The following NRG4 variants were observed in gnomAD, a reference collection of about 807,000 sequenced individuals.
NRG4 encodes the protein neuregulin 4, also known as pro-neuregulin-4, membrane-bound isoform.
In NRG4, 10 loss-of-function variants were observed where a neutral mutation model predicts 15.0. That is an observed-to-expected ratio of 0.67 (90% CI 0.41 to 1.13). The LOEUF (loss-of-function observed/expected upper bound fraction) is 1.13, where lower values mean the gene tolerates loss of function less well. NRG4 is among the 50% of genes most tolerant of loss of function. The pLI is 0.00. For missense variants in NRG4, 139 were observed against 140.2 expected, an observed-to-expected ratio of 0.99 and a Z score of 0.04; for synonymous variants, 41 against 50.1, an observed-to-expected ratio of 0.82 and a Z score of 0.77.
At chr15:75,983,276 T>C (rs1022813783) in intron 3 of NRG4, among the ~76,000 whole-genome samples, 3 of 152,112 alleles carry the variant, frequency 2.0e-5, no homozygotes, top group African/African-American at 4.8e-5. Context: ...TCAGCAGAGA[T>C]ACAGAAACAA....
chr15:76,006,280 A>G (rs1470622133), intron 3 of NRG4, among the ~76,000 whole-genome samples: 1 of 152,240 alleles, frequency 6.6e-6, no homozygotes, highest in Non-Finnish European at 1.5e-5. Context: ...ATGTCATAAT[A>G]GAAACAGGAA....
chr15:76,031,573 C>G (rs936885333), intron 5 of NRG4, among the ~76,000 whole-genome samples: 1 of 152,178 alleles, frequency 6.6e-6, no homozygotes, highest in Admixed American at 6.5e-5. Context: ...TCCTGTAGTC[C>G]CAGCTACTCG....
chr15:75,993,319 T>C (rs2034091461), intron 3 of NRG4, among the ~76,000 whole-genome samples: 1 of 149,684 alleles, frequency 6.7e-6, no homozygotes, highest in African/African-American at 2.5e-5. Context: ...TGTGTTCTCT[T>C]TTCTCCTTCT....
intron 4 of NRG4, among the ~76,000 whole-genome samples, chr15:76,048,152 CAAAAAA>C (rs113391379): frequency 2.0e-4 from 14 of 68,766 alleles, no homozygotes; most frequent in Admixed American, 2.0e-3. Flanking sequence ...AACCCTGTTT[CAAAAAA>C]AAAAAAAAAA....
intron 3 of NRG4, among the ~76,000 whole-genome samples, chr15:75,968,088 C>T (rs865874997): frequency 6.6e-6 from 1 of 152,122 alleles, no homozygotes; most frequent in Non-Finnish European, 1.5e-5. Flanking sequence ...TGTGTGCATT[C>T]GCTAGTCTTT....
At chr15:75,996,241 C>T (rs2034209942) in intron 3 of NRG4, among the ~76,000 whole-genome samples, 1 of 152,126 alleles carries the variant, frequency 6.6e-6, no homozygotes, top group African/African-American at 2.4e-5. Flanking sequence ...CAATGTGTAT[C>T]TGCTGTGAGA....
At chr15:76,017,155 C>CTTTTTTTT (rs66838505), upstream of NRG4, among the ~76,000 whole-genome samples, 22 of 52,320 alleles carry the variant, frequency 4.2e-4, no homozygotes, top group East Asian at 8.9e-4. Flanking sequence ...CAACCCCTGC[C>CTTTTTTTT]TTTTTTTTTT....
intron 3 of NRG4, among the ~76,000 whole-genome samples, chr15:75,972,720 A>G (rs879141232): frequency 6.6e-6 from 1 of 151,976 alleles, no homozygotes; most frequent in Non-Finnish European, 1.5e-5. Context: ...GTTCTGTTCC[A>G]TTGGTCTATA....
intron 3 of NRG4, among the ~76,000 whole-genome samples, chr15:75,987,966 G>A (rs8024155): frequency 0.8 from 121,804 of 152,100 alleles, 49,152 homozygotes; most frequent in South Asian, 0.9. Flanking sequence ...AAGAGCCATG[G>A]CAATACAGAC....
intron 4 of NRG4, among the ~76,000 whole-genome samples, chr15:76,049,958 A>G (rs2035957477): frequency 6.6e-6 from 1 of 151,048 alleles, no homozygotes; most frequent in Admixed American, 6.6e-5. Flanking sequence ...AGAGCCAAGA[A>G]AAACTAAATA....
chr15:75,941,348 C>A lies in NRG4; in HGVS notation c.*2290G>T, dbSNP rs1243993049. The A allele has an allele frequency of 2.6e-5, 4 of 152,138 alleles. No individual in the cohort carries two copies. Among genetic ancestry groups the A allele is most frequent in the African/African-American group, 9.7e-5 (4 of 41,440 alleles). The allele number at this position is 152,138 out of a possible 1,614,324, so 9.4% of individuals were successfully genotyped here. A position where few individuals can be genotyped will look rare whatever the true frequency, so the allele number is the denominator to read the frequency against. ...CTGATGGAAATATAGTGGTATGCAG[C>A]TGCTGTAGAAAACAGTATGGTGATT... On this transcript the variant is annotated 3_prime_UTR_variant, in exon 6 of 6. Coordinates refer to ENST00000394907, the MANE Select transcript of NRG4 (RefSeq NM_138573.4).
chr15:75,964,522 G>GA (rs1477528039), intron 3 of NRG4, among the ~76,000 whole-genome samples: 1 of 152,146 alleles, frequency 6.6e-6, no homozygotes, highest in East Asian at 1.9e-4. Context: ...CAGAACCATT[G>GA]ATAAGTAATC....
chr15:75,958,248 G>A (rs1280711157), intron 4 of NRG4, among the ~76,000 whole-genome samples: 1 of 152,130 alleles, frequency 6.6e-6, no homozygotes, highest in Non-Finnish European at 1.5e-5. Context: ...TCCTGACCTT[G>A]TGATCCGCCC....
chr15:75,991,416 T>A (rs1237503914), intron 3 of NRG4, among the ~76,000 whole-genome samples: 2 of 152,198 alleles, frequency 1.3e-5, no homozygotes, highest in East Asian at 3.8e-4. Flanking sequence ...TGGGCAAGAT[T>A]TAGCCCATGG....
rs1595936637 is a variant in NRG4 at position 75,944,711 on chromosome 15, A to G, written c.332-1057T>C. On this transcript the variant is annotated intron_variant, in intron 5 of 5. Coordinates refer to ENST00000394907, the MANE Select transcript of NRG4 (RefSeq NM_138573.4). Reference sequence around the variant, plus strand: ...TCGGCTCTCCTCATCAGAGAATCTAACTTTATTTTCATGACATATCTTGTC... The same window carrying G: ...TCGGCTCTCCTCATCAGAGAATCTAGCTTTATTTTCATGACATATCTTGTC... Among the ~76,000 whole-genome samples, 2 of 151,972 alleles carry G rather than the reference A, an allele frequency of 1.3e-5. 1 individual carries two copies. The highest frequency in any genetic ancestry group is 3.9e-4 in the East Asian group (2 of 5,186).
chr15:76,042,974 T>C lies in NRG4; in HGVS notation c.-104-6983A>G, dbSNP rs565410692. ...TCATTTGTCATGACCAAGTGAGATT[T>C]ATCCCATGGATGCAAGGATGGTTCA... On this transcript the variant is annotated intron_variant, in intron 4 of 8. Transcript: ENST00000563910. 7.2e-5 allele frequency among the ~76,000 whole-genome samples: 11 copies of C among 152,320 alleles called. No individual in the cohort carries two copies. The East Asian group carries it at 2.1e-3, about 29-fold the overall frequency.
intron 5 of NRG4, among the ~76,000 whole-genome samples, chr15:75,952,906 G>T (rs1190114226): frequency 1.3e-5 from 2 of 152,000 alleles, no homozygotes; most frequent in Non-Finnish European, 2.9e-5. Context: ...ATGTATTTCA[G>T]ATCATATGTA....
intron 2 of NRG4, among the ~76,000 whole-genome samples, chr15:76,055,996 A>C (rs2036141636): frequency 6.6e-6 from 1 of 152,198 alleles, no homozygotes; most frequent in African/African-American, 2.4e-5. Context: ...TGCATTAAGT[A>C]TTCTTAACCT....
chr15:75,949,458 A>G (rs2031752169), intron 5 of NRG4, among the ~76,000 whole-genome samples: 1 of 151,882 alleles, frequency 6.6e-6, no homozygotes, highest in African/African-American at 2.4e-5. Flanking sequence ...TCGAGTTGAA[A>G]AAGTTCCTTA....
Sources: gnomAD v4.1 joint callset for allele counts (sites outside exome capture counted in the v4.1 genomes callset) on GRCh38, gnomAD v4.1.1 for gene constraint, MANE v1.5 for transcripts, NCBI Gene and HGNC (gene_info 2026-07-23, HGNC 2026-07-21) for gene names.